Variants in RBBP5 observed in about 807,000 individuals in gnomAD.
The protein encoded by RBBP5 is retinoblastoma-binding protein 5.
RBBP5 carries 5 observed loss-of-function variants against 72.2 expected under a neutral mutation model. The ratio of observed to expected loss-of-function variants is 0.07; its 90% CI spans 0.04 to 0.15. The LOEUF is 0.15. Among genes scored for constraint, RBBP5 ranks in the 10% least tolerant of loss-of-function variants. The pLI, the probability that RBBP5 is intolerant of heterozygous loss-of-function variation, is 1.00. For synonymous variants in RBBP5, 209 were observed against 237.2 expected (o/e 0.88, Z 1.09); for missense variants, 322 against 652.2 (o/e 0.49, Z 5.51).
intron 5 of RBBP5, among the ~76,000 whole-genome samples, chr1:205,102,905 A>G (rs544031890): frequency 9.9e-5 from 15 of 151,624 alleles, no homozygotes; most frequent in Admixed American, 9.2e-4. Flanking sequence ...AGGCAGGAGA[A>G]TCGCTGGAAC....
intron 6 of RBBP5, among the ~76,000 whole-genome samples, chr1:205,101,267 C>G (rs1655809955): frequency 6.6e-6 from 1 of 152,150 alleles, no homozygotes; most frequent in Middle Eastern, 3.2e-3. Flanking sequence ...AGGCAGTATT[C>G]AGTTACAATG....
intron 3 of RBBP5, among the ~76,000 whole-genome samples, chr1:205,112,948 C>A (rs1191802032): frequency 6.6e-6 from 1 of 152,248 alleles, no homozygotes; most frequent in East Asian, 1.9e-4. Context: ...CACAGCAAGA[C>A]CCTGTCTCTA....
rs1002197073 is a variant in RBBP5, at chr1:205,087,501, A to G, written c.*1286T>C. ...GTGACCCACCACGCCCGGCTCACCA[A>G]CTGATATATTTCACAGTAAGCACAG... On this transcript the variant is annotated 3_prime_UTR_variant, in exon 14 of 14. Coordinates refer to ENST00000264515, the MANE Select transcript of RBBP5 (RefSeq NM_005057.4). 2.0e-5 allele frequency: 3 copies of G among 151,086 alleles called. No homozygotes were observed. The highest frequency in any genetic ancestry group is 7.3e-5 in the African/African-American group (3 of 41,058). 9.4% of individuals were successfully genotyped at this position (151,086 alleles called of 1,614,324 possible).
Position 205,100,424 on chromosome 1 carries a change from C to G in RBBP5, c.633-153G>C, listed in dbSNP as rs1451855917. Among the ~76,000 whole-genome samples, 3 of 152,234 alleles carry G rather than the reference C, an allele frequency of 2.0e-5. No homozygotes were observed. In the East Asian group the frequency reaches 5.8e-4, roughly 29 times the overall value. On this transcript the variant is annotated intron_variant, in intron 6 of 13. Transcript: ENST00000264515. ...ACTTGTCATCTCCCAAACCAAAATA[C>G]AATTTTAAGTGGGAATATGTTTTAT...
intron 6 of RBBP5, among the ~76,000 whole-genome samples, chr1:205,100,554 G>A (rs553860179): frequency 6.6e-6 from 1 of 152,224 alleles, no homozygotes; most frequent in African/African-American, 2.4e-5. Context: ...AGTTTACAGT[G>A]AAATGGATAT....
chr1:205,118,289 T>C (rs1482171248), intron 1 of RBBP5, among the ~76,000 whole-genome samples: 1 of 152,138 alleles, frequency 6.6e-6, no homozygotes, highest in Non-Finnish European at 1.5e-5. Context: ...TACATTAATT[T>C]AGTGAGTTGG....
chr1:205,103,244 GAAA>G (rs1655918722), intron 5 of RBBP5, among the ~76,000 whole-genome samples: 5 of 139,610 alleles, frequency 3.6e-5, no homozygotes. Flanking sequence ...AAAAAAAAAG[GAAA>G]AATTGCCTTT....
chr1:205,095,967 C>G (rs930972219), intron 12 of RBBP5, among the ~76,000 whole-genome samples: 1 of 151,958 alleles, frequency 6.6e-6, no homozygotes, highest in African/African-American at 2.4e-5. Context: ...CCGAGGCAGG[C>G]GGATCACTTG....
At chr1:205,112,903 G>A (rs1047279941) in intron 3 of RBBP5, among the ~76,000 whole-genome samples, 5 of 152,110 alleles carry the variant, frequency 3.3e-5, no homozygotes, top group Non-Finnish European at 7.4e-5. Flanking sequence ...CAGGAGGATC[G>A]ATTGAAGCCA....
At chr1:205,114,726 T>C (rs1049718314) in intron 3 of RBBP5, 63 bp downstream of exon 3, 18 of 1,343,356 alleles carry the variant, frequency 1.3e-5, no homozygotes, top group Non-Finnish European at 1.8e-5. Flanking sequence ...ACAATGAGAT[T>C]TGCAAATATA....
chr1:205,115,339 A>G, intron 2 of RBBP5, among the ~76,000 whole-genome samples: 1 of 152,190 alleles, frequency 6.6e-6, no homozygotes, highest in East Asian at 1.9e-4. Flanking sequence ...AAAAGAATTT[A>G]AAAGAATTTT....
intron 3 of RBBP5, among the ~76,000 whole-genome samples, chr1:205,110,236 T>A (rs1656260492): frequency 6.6e-6 from 1 of 152,078 alleles, no homozygotes; most frequent in Non-Finnish European, 1.5e-5. Flanking sequence ...TCCAGGCTGG[T>A]CTCGAACTCC....
chr1:205,103,946 G>T lies in RBBP5; in HGVS notation c.433C>A (p.Leu145Met). The change falls in exon 5 of 14, where the codon CTG becomes ATG. Residue 145 changes from leucine (L) to methionine (M), a missense_variant. Transcript: ENST00000264515. The part of the protein sequence containing the change: ...LTLSDSKHVV[L>M]PVDDDSDLNV... Reference sequence around the variant, plus strand: ...AAATCGGAGTCATCGTCCACCGGCAGAACAACATGTTTGGAATCTGAAAGG... The same window carrying T: ...AAATCGGAGTCATCGTCCACCGGCATAACAACATGTTTGGAATCTGAAAGG... 6.2e-7 allele frequency: 1 copy of T among 1,614,158 alleles called. No individual in the cohort carries two copies. Among genetic ancestry groups the T allele is most frequent in the Non-Finnish European group, 8.5e-7 (1 of 1,180,010 alleles).
At chr1:205,110,041 GTTTT>G (rs1216901996) in intron 3 of RBBP5, among the ~76,000 whole-genome samples, 3 of 148,800 alleles carry the variant, frequency 2.0e-5, no homozygotes, top group African/African-American at 7.4e-5. Flanking sequence ...TGTTTTTTGG[GTTTT>G]TTTTTTCCGA....
intron 13 of RBBP5, 137 bp from the exon 14 acceptor site, chr1:205,088,952 A>G: frequency 1.4e-6 from 1 of 727,076 alleles, no homozygotes. Context: ...AAGAAAATAC[A>G]TAACCAACTC....
chr1:205,116,341 T>C lies in RBBP5; in HGVS notation c.20-458A>G, dbSNP rs528263337. The C allele has an allele frequency of 3.2e-5, 12 of 380,918 alleles. No individual in the cohort carries two copies. In the East Asian group the frequency reaches 9.5e-4, roughly 30 times the overall value. 23.6% of individuals were successfully genotyped at this position (380,918 alleles called of 1,614,324 possible). Reference sequence around the variant, plus strand: ...ATCTCAGTTTTAACTTCTAAATTGGTAAACACTGGTAGGTAGATATCACCT... The same window carrying C: ...ATCTCAGTTTTAACTTCTAAATTGGCAAACACTGGTAGGTAGATATCACCT... On this transcript the variant is annotated intron_variant, in intron 1 of 13. Coordinates refer to ENST00000264515, the MANE Select transcript of RBBP5 (RefSeq NM_005057.4).
intron 1 of RBBP5, 64 bp from the exon 2 acceptor site, chr1:205,115,947 C>A (rs779811259): frequency 6.2e-7 from 1 of 1,613,822 alleles, no homozygotes; most frequent in South Asian, 1.1e-5. Flanking sequence ...ATACAACTCA[C>A]GAACAGTGTA....
chr1:205,097,041 G>T, intron 11 of RBBP5, 130 bp from the exon 12 acceptor site: 1 of 821,268 alleles, frequency 1.2e-6, no homozygotes, highest in Non-Finnish European at 1.9e-6. Context: ...AGAAAGCCAA[G>T]AAGAATAAAA....
chr1:205,100,233 A>G lies in RBBP5; in HGVS notation c.671T>C (p.Val224Ala), dbSNP rs1443301059. ...TGTTAAGATTTCTCTGCCATCATAA[A>G]CTCTGATTATTCGATCTGCCGTGTT... ...LINTADRIIRVYDGREILTCG... is the reference protein window; with the variant it reads ...LINTADRIIRAYDGREILTCG... Residue 224 changes from valine to alanine, a missense_variant, in exon 7 of 14, where the codon GTT becomes GCT. By Grantham distance (64) the Val-to-Ala change is moderately conservative (BLOSUM62 0). Transcript: ENST00000264515. 6.2e-7 allele frequency: 1 copy of G among 1,614,034 alleles called. No individual in the cohort carries two copies. The highest frequency in any genetic ancestry group is 8.5e-7 in the Non-Finnish European group (1 of 1,180,008).
Sources: allele counts gnomAD v4.1 joint callset (sites outside exome capture counted in the v4.1 genomes callset), GRCh38; gene constraint gnomAD v4.1.1; transcripts MANE v1.5; gene names NCBI Gene and HGNC (gene_info 2026-07-23, HGNC 2026-07-21).